CCDC88C: variants seen among roughly 807,000 people sequenced by gnomAD.
CCDC88C encodes protein Daple.
CCDC88C carries 131 observed loss-of-function variants against 198.8 expected under a neutral mutation model. The ratio of observed to expected loss-of-function variants is 0.66; its 90% confidence interval spans 0.57 to 0.76. The LOEUF is 0.76. Ranked by LOEUF, CCDC88C falls within the 30% of genes least tolerant of loss-of-function variation. CCDC88C has a pLI of 0.00. For missense variants in CCDC88C, 2,553 were observed against 2,631.6 expected (o/e 0.97, Z 0.65); for synonymous variants, 1,166 against 1,114.7 (o/e 1.05, Z -0.92).
chr14:91,400,536 C>T (rs934555360), intron 3 of CCDC88C, among the ~76,000 whole-genome samples: 2 of 152,234 alleles, frequency 1.3e-5, no homozygotes, highest in Non-Finnish European at 2.9e-5. Context: ...AGGCCCTGCC[C>T]CTAATGGCTG....
At chr14:91,323,976 C>T (rs1892465477) in intron 12 of CCDC88C, among the ~76,000 whole-genome samples, 1 of 152,198 alleles carries the variant, frequency 6.6e-6, no homozygotes, top group Non-Finnish European at 1.5e-5. Context: ...TTCCAGAATG[C>T]TTAGATGTCT....
chr14:91,403,672 A>G (rs73340440), intron 3 of CCDC88C, among the ~76,000 whole-genome samples: 3,958 of 152,366 alleles, frequency 0.026, 183 homozygotes, highest in African/African-American at 0.09. Context: ...GCTCGTGCCT[A>G]TAAGCCCAGC....
intron 27 of CCDC88C, 29 bp downstream of exon 27, chr14:91,281,428 C>G: frequency 6.2e-7 from 1 of 1,613,456 alleles, no homozygotes; most frequent in Non-Finnish European, 8.5e-7. Flanking sequence ...GAAACCCAGG[C>G]TGGAGGACAC....
intron 3 of CCDC88C, among the ~76,000 whole-genome samples, chr14:91,367,674 G>A (rs566046274): frequency 5.9e-5 from 9 of 152,276 alleles, no homozygotes; most frequent in Admixed American, 3.3e-4. Flanking sequence ...CTTCCCAGAG[G>A]AGACAGCTTC....
At chr14:91,360,714 T>C (rs1894270253) in intron 3 of CCDC88C, among the ~76,000 whole-genome samples, 1 of 152,230 alleles carries the variant, frequency 6.6e-6, no homozygotes, top group Non-Finnish European at 1.5e-5. Context: ...CTATCAGTCA[T>C]GCCCGCTCGT....
chr14:91,373,405 G>T (rs970503769), intron 3 of CCDC88C, among the ~76,000 whole-genome samples: 4 of 152,144 alleles, frequency 2.6e-5, no homozygotes, highest in African/African-American at 9.7e-5. Context: ...AATAGCAAAG[G>T]ATGAAGAGAA....
chr14:91,344,631 C>T lies in CCDC88C; in HGVS notation c.341-974G>A, dbSNP rs188234113. On this transcript the variant is annotated intron_variant, in intron 4 of 29. Coordinates refer to ENST00000389857, the MANE Select transcript of CCDC88C (RefSeq NM_001080414.4). ...GGTTCATGCCATTCTCCTGCCTCAG[C>T]CTCCCGAGTAGCTGGGACTACAGGC... is the stretch of plus-strand genomic sequence containing the variant. Among the ~76,000 whole-genome samples the T allele has an allele frequency of 2.7e-3, 415 of 151,966 alleles. 1 individual carries two copies. Among genetic ancestry groups the T allele is most frequent in the Middle Eastern group, 3.4e-3 (1 of 294 alleles).
intron 4 of CCDC88C, 63 bp downstream of exon 4, chr14:91,359,579 A>G (rs1894205594): frequency 7.6e-7 from 1 of 1,323,192 alleles, no homozygotes. Context: ...GATGGCCAGC[A>G]GCTGCCCAAC....
chr14:91,300,496 A>C (rs1211929140), intron 20 of CCDC88C, among the ~76,000 whole-genome samples: 1 of 152,184 alleles, frequency 6.6e-6, no homozygotes, highest in African/African-American at 2.4e-5. Flanking sequence ...TCCGCTGCAC[A>C]TCACAGCTAA....
chr14:91,328,774 A>AC (rs1283213416), intron 10 of CCDC88C, among the ~76,000 whole-genome samples: 10 of 152,222 alleles, frequency 6.6e-5, no homozygotes, highest in Non-Finnish European at 1.5e-4. Context: ...AGCGCCTGAG[A>AC]CCTACAAACT....
intron 3 of CCDC88C, 145 bp downstream of exon 3, chr14:91,408,514 G>A (rs1596171568): frequency 3.1e-6 from 2 of 650,132 alleles, no homozygotes; most frequent in Non-Finnish European, 5.7e-6. Context: ...CCCCAACAAA[G>A]GGTTCACATG....
intron 23 of CCDC88C, among the ~76,000 whole-genome samples, chr14:91,292,049 G>A (rs981610328): frequency 3.3e-5 from 5 of 152,206 alleles, no homozygotes; most frequent in Admixed American, 2.0e-4. Flanking sequence ...CTGAAAACGA[G>A]GCCTTACATG....
chr14:91,321,963 T>C (rs922891515), intron 12 of CCDC88C, among the ~76,000 whole-genome samples: 1 of 151,882 alleles, frequency 6.6e-6, no homozygotes, highest in Non-Finnish European at 1.5e-5. Context: ...CAGGTGCAAA[T>C]GGAGAAGGGA....
chr14:91,392,422 AGAG>A (rs1485288971), intron 3 of CCDC88C, among the ~76,000 whole-genome samples: 1 of 152,134 alleles, frequency 6.6e-6, no homozygotes, highest in Non-Finnish European at 1.5e-5. Context: ...AATTAGGGCT[AGAG>A]GAGGAGAACC....
chr14:91,318,589 G>T (rs1247857163), intron 13 of CCDC88C, among the ~76,000 whole-genome samples: 1 of 152,162 alleles, frequency 6.6e-6, no homozygotes, highest in Non-Finnish European at 1.5e-5. Flanking sequence ...TCCCATGAGG[G>T]AACTCAAGGG....
At chr14:91,409,073 T>C (rs1000738289) in intron 2 of CCDC88C, among the ~76,000 whole-genome samples, 7 of 152,148 alleles carry the variant, frequency 4.6e-5, no homozygotes, top group Middle Eastern at 3.4e-3. Flanking sequence ...AGACCCCAAA[T>C]GTTATACTGT....
At chr14:91,309,318 C>T (rs755877955) in intron 16 of CCDC88C, among the ~76,000 whole-genome samples, 2 of 152,008 alleles carry the variant, frequency 1.3e-5, no homozygotes, top group Non-Finnish European at 1.5e-5. Flanking sequence ...AATTAAGAAG[C>T]GTGGCTGGGA....
rs781492751 is a variant in CCDC88C at position 91,313,668 on chromosome 14, C to T, written c.2148G>A (p.Met716Ile). The T allele has an allele frequency of 8.7e-5, 140 of 1,612,164 alleles. 3 individuals are homozygous for T. The Admixed American group carries it at 2.1e-3, about 25-fold the overall frequency. The change falls in exon 15 of 30, where the codon ATG becomes ATA. Residue 716 changes from methionine to isoleucine, a missense_variant. Met to Ile is a conservative substitution (Grantham distance 10). Around this residue, in one of 2 missense-constraint regions of CCDC88C, gnomAD observed 1,260 missense variants for 1,412.0 expected, o/e 0.89. Transcript: ENST00000389857. The surrounding 1 kb of genome is among the most constrained non-coding windows in gnomAD (Gnocchi z 5.2). Reference sequence around the variant, plus strand: ...GTGCCAGCTTGGTGCTGGTGAAGCGCATGGTCTCCACCAGCCTGCGCAGCT... The same window carrying T: ...GTGCCAGCTTGGTGCTGGTGAAGCGTATGGTCTCCACCAGCCTGCGCAGCT... Reference protein sequence around the residue: ...NLELRRLVETMRFTSTKLAQM... With the variant: ...NLELRRLVETIRFTSTKLAQM...
chr14:91,391,490 A>G (rs1265364041), intron 3 of CCDC88C, among the ~76,000 whole-genome samples: 2 of 152,182 alleles, frequency 1.3e-5, no homozygotes, highest in African/African-American at 4.8e-5. Context: ...TTTAAAAGTC[A>G]GAAGTAGGCC....
Sources: gnomAD v4.1 joint callset for allele counts (sites outside exome capture counted in the v4.1 genomes callset) on GRCh38, gnomAD v4.1.1 for gene constraint, gnomAD v4.1.1 regional missense constraint, Gnocchi (gnomAD v3.1) non-coding constraint, MANE v1.5 for transcripts, NCBI Gene and HGNC (gene_info 2026-07-23, HGNC 2026-07-21) for gene names.